The following CLSTN2 variants were observed in gnomAD, a reference collection of about 807,000 sequenced individuals.
CLSTN2 encodes calsyntenin-2.
In CLSTN2, 48 loss-of-function variants were observed where a neutral mutation model predicts 101.2. The observed-to-expected ratio is 0.47, with a 90% CI of 0.38 to 0.60. The LOEUF (loss-of-function observed/expected upper bound fraction) is 0.60. Ranked by LOEUF, CLSTN2 falls within the 20% of genes least tolerant of loss-of-function variation. The pLI is 0.00. For missense variants in CLSTN2, 1,160 were observed against 1,238.2 expected, an observed-to-expected ratio of 0.94 and a Z score of 0.95; for synonymous variants, 481 against 463.6, an observed-to-expected ratio of 1.04 and a Z score of -0.48.
intron 1 of CLSTN2, among the ~76,000 whole-genome samples, chr3:139,996,789 T>G (rs2006672432): frequency 6.6e-6 from 1 of 152,172 alleles, no homozygotes; most frequent in Admixed American, 6.5e-5. Flanking sequence ...GGCTCATGAC[T>G]GTGATCCCAG....
rs189672900 is a variant in CLSTN2 at position 140,045,138 on chromosome 3, C to T, written c.109+109655C>T. Among the ~76,000 whole-genome samples the T allele has an allele frequency of 5.8e-3, 888 of 152,172 alleles. 15 individuals are homozygous for T. The highest frequency in any genetic ancestry group is 4.6e-3 in the Non-Finnish European group (311 of 68,004). On this transcript the variant is annotated intron_variant, in intron 1 of 16. Coordinates refer to ENST00000458420, the MANE Select transcript of CLSTN2 (RefSeq NM_022131.3). Reference sequence around the variant, plus strand: ...TCCTCCTTGTACCTCTGGTAGAATTCGGCTGTGAATCCGTCTGGTCCTGGA... The same window carrying T: ...TCCTCCTTGTACCTCTGGTAGAATTTGGCTGTGAATCCGTCTGGTCCTGGA...
intron 2 of CLSTN2, among the ~76,000 whole-genome samples, chr3:140,273,956 A>C (rs1160707519): frequency 1.3e-5 from 2 of 152,172 alleles, no homozygotes; most frequent in Non-Finnish European, 2.9e-5. Flanking sequence ...AGTTGAACGC[A>C]CAGAGCCACA....
chr3:140,486,602 T>G (rs1934245801), intron 8 of CLSTN2, among the ~76,000 whole-genome samples: 1 of 151,734 alleles, frequency 6.6e-6, no homozygotes, highest in Non-Finnish European at 1.5e-5. Context: ...GAGGGAGGAG[T>G]ACTCCCAGGC....
intron 2 of CLSTN2, among the ~76,000 whole-genome samples, chr3:140,277,677 A>T (rs930298128): frequency 6.7e-6 from 1 of 148,920 alleles, no homozygotes; most frequent in Non-Finnish European, 1.5e-5. Context: ...CAGTGCACTT[A>T]AAAAAAAATA....
At chr3:140,277,366 C>T (rs1287035135) in intron 2 of CLSTN2, among the ~76,000 whole-genome samples, 1 of 152,182 alleles carries the variant, frequency 6.6e-6, no homozygotes, top group Non-Finnish European at 1.5e-5. Context: ...ATGCTCCTTG[C>T]TTTTCACATG....
chr3:140,292,736 G>T (rs1438520170), intron 2 of CLSTN2, among the ~76,000 whole-genome samples: 1 of 152,162 alleles, frequency 6.6e-6, no homozygotes, highest in Non-Finnish European at 1.5e-5. Context: ...CCAAATGAGG[G>T]TGAGCATAGC....
chr3:140,387,911 C>T (rs996549728), intron 2 of CLSTN2, among the ~76,000 whole-genome samples: 10 of 152,176 alleles, frequency 6.6e-5, no homozygotes, highest in Non-Finnish European at 1.5e-4. Flanking sequence ...GCCAGTATAA[C>T]ACTTGCGATC....
intron 2 of CLSTN2, among the ~76,000 whole-genome samples, chr3:140,177,657 T>C (rs2010345789): frequency 6.6e-6 from 1 of 152,008 alleles, no homozygotes; most frequent in South Asian, 2.1e-4. Flanking sequence ...TAGCTGGGCA[T>C]GGTGGTGCAT....
At chr3:139,984,238 T>C (rs1001994321) in intron 1 of CLSTN2, among the ~76,000 whole-genome samples, 7 of 152,202 alleles carry the variant, frequency 4.6e-5, no homozygotes, top group Non-Finnish European at 7.3e-5. Flanking sequence ...CCTAGGTTGT[T>C]ACTCCAGAAA....
intron 8 of CLSTN2, among the ~76,000 whole-genome samples, chr3:140,494,692 C>T (rs887169351): frequency 2.6e-5 from 4 of 152,168 alleles, no homozygotes; most frequent in Non-Finnish European, 5.9e-5. Context: ...TCAGCTCTGA[C>T]TTATAAGTGA....
intron 2 of CLSTN2, among the ~76,000 whole-genome samples, chr3:140,241,177 A>G (rs2086463662): frequency 6.6e-6 from 1 of 152,232 alleles, no homozygotes; most frequent in South Asian, 2.1e-4. Context: ...GGTATGACTT[A>G]TACCCATTTT....
At chr3:140,007,930 A>G (rs1283256203) in intron 1 of CLSTN2, among the ~76,000 whole-genome samples, 1 of 151,988 alleles carries the variant, frequency 6.6e-6, no homozygotes, top group Non-Finnish European at 1.5e-5. Flanking sequence ...ACTATCCATG[A>G]TTTTCACAGC....
chr3:140,309,956 G>A (rs2087149484), intron 2 of CLSTN2, among the ~76,000 whole-genome samples: 4 of 152,036 alleles, frequency 2.6e-5, no homozygotes, highest in Admixed American at 6.6e-5. Flanking sequence ...TCACCGTGGC[G>A]GCTTGTTCCC....
At chr3:140,035,270 A>C (rs773954022) in intron 1 of CLSTN2, among the ~76,000 whole-genome samples, 2 of 152,264 alleles carry the variant, frequency 1.3e-5, no homozygotes, top group Non-Finnish European at 2.9e-5. Context: ...TGGAGATCCC[A>C]GTGGTACCTT....
At chr3:140,327,958 C>T (rs1381962646) in intron 2 of CLSTN2, among the ~76,000 whole-genome samples, 4 of 152,184 alleles carry the variant, frequency 2.6e-5, no homozygotes, top group Admixed American at 2.6e-4. Flanking sequence ...ACCTGGAGCC[C>T]TAGCACCTCA....
At chr3:140,469,242 T>C (rs1029806988) in intron 8 of CLSTN2, among the ~76,000 whole-genome samples, 1 of 152,170 alleles carries the variant, frequency 6.6e-6, no homozygotes, top group African/African-American at 2.4e-5. Context: ...TCCATAGCAT[T>C]CCTCTACTAA....
At chr3:140,059,024 T>A (rs1329057213) in intron 1 of CLSTN2, among the ~76,000 whole-genome samples, 2 of 125,162 alleles carry the variant, frequency 1.6e-5, no homozygotes, top group Non-Finnish European at 3.8e-5. Flanking sequence ...AAGTTAGGCA[T>A]GTAAAGACCC....
chr3:140,145,150 G>A (rs1260987417), intron 1 of CLSTN2, among the ~76,000 whole-genome samples: 1 of 152,154 alleles, frequency 6.6e-6, no homozygotes, highest in Non-Finnish European at 1.5e-5. Flanking sequence ...CCTGACCTAT[G>A]GTGTCACTGT....
chr3:139,954,714 T>G (rs1373807788), intron 1 of CLSTN2, among the ~76,000 whole-genome samples: 2 of 152,156 alleles, frequency 1.3e-5, no homozygotes, highest in Non-Finnish European at 2.9e-5. Flanking sequence ...TACCTCTGTC[T>G]TCACCACTTC....
Sources: gnomAD v4.1 joint callset for allele counts (sites outside exome capture counted in the v4.1 genomes callset) on GRCh38, gnomAD v4.1.1 for gene constraint, MANE v1.5 for transcripts, NCBI Gene and HGNC (gene_info 2026-07-23, HGNC 2026-07-21) for gene names.